Variants in CARMIL1 observed in about 807,000 individuals in gnomAD.
CARMIL1 encodes the protein F-actin-uncapping protein LRRC16A.
CARMIL1 carries 90 observed loss-of-function variants against 177.1 expected under a neutral mutation model. That is an observed-to-expected ratio of 0.51 (90% CI 0.43 to 0.61). The LOEUF is 0.61. Ranked by LOEUF, CARMIL1 falls within the 20% of genes least tolerant of loss-of-function variation. CARMIL1 has a pLI of 0.00. For synonymous variants in CARMIL1, 577 were observed against 606.2 expected (o/e 0.95, Z 0.71); for missense variants, 1,380 against 1,667.0 (o/e 0.83, Z 3.00).
intron 11 of CARMIL1, among the ~76,000 whole-genome samples, chr6:25,475,831 C>T (rs1256938869): frequency 6.6e-6 from 1 of 152,226 alleles, no homozygotes; most frequent in African/African-American, 2.4e-5. Context: ...CTTGTCACCA[C>T]AGGTGCAGTT....
intron 27 of CARMIL1, among the ~76,000 whole-genome samples, chr6:25,551,939 A>G (rs1423289660): frequency 1.3e-5 from 2 of 152,188 alleles, no homozygotes; most frequent in Non-Finnish European, 2.9e-5. Context: ...GCCCCAAATT[A>G]TATTATCGTT....
chr6:25,330,142 G>A (rs1451629458), intron 2 of CARMIL1, among the ~76,000 whole-genome samples: 2 of 152,214 alleles, frequency 1.3e-5, no homozygotes, highest in Admixed American at 1.3e-4. Flanking sequence ...GAGGCAGGAA[G>A]ATAAATAAGA....
At chr6:25,579,097 T>C (rs977530392) in intron 29 of CARMIL1, among the ~76,000 whole-genome samples, 1 of 149,810 alleles carries the variant, frequency 6.7e-6, no homozygotes, top group African/African-American at 2.5e-5. Flanking sequence ...ATTTTATATA[T>C]AGTACATATT....
At chr6:25,401,512 A>G (rs1433526465) in intron 2 of CARMIL1, among the ~76,000 whole-genome samples, 2 of 152,240 alleles carry the variant, frequency 1.3e-5, no homozygotes, top group Admixed American at 1.3e-4. Flanking sequence ...TTTTCCTGGG[A>G]CTCAGTTTCC....
intron 2 of CARMIL1, among the ~76,000 whole-genome samples, chr6:25,337,904 T>C (rs1385162294): frequency 6.6e-6 from 1 of 152,152 alleles, no homozygotes; most frequent in Non-Finnish European, 1.5e-5. Context: ...TGGCCGGGCA[T>C]GGTGGGCTCA....
chr6:25,473,095 C>A (rs1339079660), intron 11 of CARMIL1, among the ~76,000 whole-genome samples: 1 of 152,186 alleles, frequency 6.6e-6, no homozygotes, highest in African/African-American at 2.4e-5. Flanking sequence ...TGCCATGTGA[C>A]CCCCCTATCT....
Position 25,509,861 on chromosome 6 carries a change from A to G in CARMIL1, c.1477+124A>G. On this transcript the variant is annotated intron_variant, in intron 18 of 36. Coordinates refer to ENST00000329474, the MANE Select transcript of CARMIL1 (RefSeq NM_017640.6). The surrounding 1 kb of genome is among the most constrained non-coding windows in gnomAD (Gnocchi z 4.1). ...TAAAAAAATTGTTTTTTATTTTTTG[A>G]CTAATAGGGCTTTTAAATTTAACAA... 1.5e-6 allele frequency: 1 copy of G among 646,438 alleles called. No individual in the cohort carries two copies. The highest frequency in any genetic ancestry group is 2.6e-6 in the Non-Finnish European group (1 of 379,520). 40.0% of individuals were successfully genotyped at this position (646,438 alleles called of 1,614,324 possible). A position where few individuals can be genotyped will look rare whatever the true frequency, so the allele number is the denominator to read the frequency against.
intron 35 of CARMIL1, among the ~76,000 whole-genome samples, chr6:25,607,108 A>G (rs1054113860): frequency 6.6e-6 from 1 of 151,930 alleles, no homozygotes. Flanking sequence ...TGACCACACC[A>G]CTGCACTCCA....
At chr6:25,347,261 A>C (rs1345638520) in intron 2 of CARMIL1, among the ~76,000 whole-genome samples, 1 of 152,230 alleles carries the variant, frequency 6.6e-6, no homozygotes, top group Non-Finnish European at 1.5e-5. Flanking sequence ...AAGCTAATTT[A>C]TATTATAGGC....
chr6:25,542,015 C>T (rs375326202), intron 26 of CARMIL1, among the ~76,000 whole-genome samples: 1 of 152,158 alleles, frequency 6.6e-6, no homozygotes, highest in Non-Finnish European at 1.5e-5. Context: ...TAATTTCATT[C>T]CCCCTTTGTA....
chr6:25,505,686 C>G (rs943088114), intron 17 of CARMIL1, among the ~76,000 whole-genome samples: 6 of 152,138 alleles, frequency 3.9e-5, no homozygotes, highest in African/African-American at 1.4e-4. Flanking sequence ...CTCCTGACCT[C>G]AAGTAATCCA....
intron 3 of CARMIL1, among the ~76,000 whole-genome samples, chr6:25,425,106 C>G (rs1796175482): frequency 6.6e-6 from 1 of 152,198 alleles, no homozygotes; most frequent in African/African-American, 2.4e-5. Flanking sequence ...AACTTCTACT[C>G]TAATTTAATG....
chr6:25,470,242 A>C (rs1800982510), intron 9 of CARMIL1, among the ~76,000 whole-genome samples: 1 of 152,190 alleles, frequency 6.6e-6, no homozygotes, highest in Admixed American at 6.5e-5. Flanking sequence ...TCAAGTACTT[A>C]TTTAGCCTTC....
intron 4 of CARMIL1, among the ~76,000 whole-genome samples, chr6:25,430,296 A>T (rs1796634295): frequency 6.8e-6 from 1 of 146,728 alleles, no homozygotes; most frequent in Admixed American, 6.8e-5. Flanking sequence ...GATTCTATAT[A>T]TTTCTCCTAT....
At chr6:25,512,338 C>T (rs953455960) in intron 20 of CARMIL1, among the ~76,000 whole-genome samples, 3 of 152,136 alleles carry the variant, frequency 2.0e-5, no homozygotes, top group African/African-American at 7.2e-5. Context: ...TGAATTCTGT[C>T]AAGTCACAAG....
In CARMIL1 at chr6:25,329,850, A is replaced by G. The variant is rs117520795; in HGVS notation, c.138+44941A>G. ...TCTGTCCTCCAGAGTTGTTCAGGGG[A>G]TTCAGCATATGAGAAGTTATTTGCG... On this transcript the variant is annotated intron_variant, in intron 2 of 36. Coordinates refer to ENST00000329474, the MANE Select transcript of CARMIL1 (RefSeq NM_017640.6). Among the ~76,000 whole-genome samples, 42 of 152,342 alleles carry G rather than the reference A, an allele frequency of 2.8e-4. No individual in the cohort carries two copies. The East Asian group carries it at 7.5e-3, about 27-fold the overall frequency.
At chr6:25,507,332 T>C (rs1196550281) in intron 17 of CARMIL1, 1 of 152,596 alleles carries the variant, frequency 6.6e-6, no homozygotes, top group East Asian at 1.9e-4. Flanking sequence ...GAATTTTTGT[T>C]TTGGGAGAAA....
At chr6:25,544,277 G>T (rs922895071) in intron 26 of CARMIL1, among the ~76,000 whole-genome samples, 1 of 152,010 alleles carries the variant, frequency 6.6e-6, no homozygotes, top group Non-Finnish European at 1.5e-5. Flanking sequence ...GAAATCTAAA[G>T]CAGGATAGAT....
chr6:25,293,265 G>GGGGT (rs758708389), intron 2 of CARMIL1, among the ~76,000 whole-genome samples: 1 of 134,300 alleles, frequency 7.4e-6, no homozygotes, highest in Non-Finnish European at 1.6e-5. Flanking sequence ...AAGGATGCTT[G>GGGGT]GTGTGTGTGT....
Sources: gnomAD v4.1 joint callset for allele counts (sites outside exome capture counted in the v4.1 genomes callset) on GRCh38, gnomAD v4.1.1 for gene constraint, Gnocchi (gnomAD v3.1) non-coding constraint, MANE v1.5 for transcripts, NCBI Gene and HGNC (gene_info 2026-07-23, HGNC 2026-07-21) for gene names.